Variants in CEP120 observed in about 807,000 individuals in gnomAD.
CEP120 encodes centrosomal protein of 120 kDa.
A neutral mutation model predicts 126.5 loss-of-function variants in CEP120; 113 were observed. The observed-to-expected ratio is 0.89, with a 90% CI of 0.77 to 1.04. The LOEUF (loss-of-function observed/expected upper bound fraction) is 1.04, where lower values mean the gene tolerates loss of function less well. Ranked by LOEUF, CEP120 falls within the 50% of genes least tolerant of loss-of-function variation. The pLI, the probability that CEP120 is intolerant of heterozygous loss-of-function variation, is 0.00. For missense variants in CEP120, 1,230 were observed against 1,155.7 expected (o/e 1.06, Z -0.93); for synonymous variants, 400 against 394.3 (o/e 1.01, Z -0.17).
chr5:123,382,693 G>C lies in CEP120; in HGVS notation c.2013+44C>G. On this transcript the variant is annotated intron_variant, in intron 13 of 19. Coordinates refer to ENST00000306467, the MANE Select transcript of CEP120 (RefSeq NM_001375405.1). ...TGCTACGGAGAAGGAAAAATATACA[G>C]AGCAGACAAAGCAGATTTTTTAAAG... The C allele has an allele frequency of 2.6e-6, 4 of 1,557,140 alleles. No individual in the cohort carries two copies. The East Asian group carries it at 6.9e-5, about 27-fold the overall frequency.
intron 15 of CEP120, 95 bp from the exon 16 acceptor site, chr5:123,377,630 G>T: frequency 2.2e-6 from 2 of 919,230 alleles, no homozygotes; most frequent in Non-Finnish European, 3.2e-6. Flanking sequence ...AAATGTTGAG[G>T]ATATTTACAA....
At chr5:123,371,010 T>C (rs890845349) in intron 17 of CEP120, among the ~76,000 whole-genome samples, 4 of 151,982 alleles carry the variant, frequency 2.6e-5, no homozygotes, top group African/African-American at 9.7e-5. Flanking sequence ...GCTTACCAGA[T>C]AAAATTTGAA....
intron 18 of CEP120, among the ~76,000 whole-genome samples, chr5:123,359,882 C>A (rs1769943058): frequency 6.6e-6 from 1 of 151,984 alleles, no homozygotes; most frequent in Non-Finnish European, 1.5e-5. Context: ...TTTAAACATT[C>A]TTCTGGCAAT....
chr5:123,393,314 G>C lies in CEP120; in HGVS notation c.796C>G (p.Gln266Glu), dbSNP rs751408671. The C allele has an allele frequency of 6.2e-7, 1 of 1,614,104 alleles. No homozygotes were observed. The highest frequency in any genetic ancestry group is 8.5e-7 in the Non-Finnish European group (1 of 1,179,994). The change falls in exon 6 of 20, where the codon CAG (glutamine) becomes GAG (glutamate). Residue 266 changes from glutamine to glutamate, a missense_variant. Physicochemically the swap from Gln to Glu is conservative, Grantham distance 29. Coordinates refer to ENST00000306467, the MANE Select transcript of CEP120 (RefSeq NM_001375405.1). ...GCAATACTCACCTGCAGTTTAGACT[G>C]AAGAGCCAGGTAAACACGAAGAATT... ...VEILRVYLAL[Q>E]SKLQIHLCCG...
intron 9 of CEP120, among the ~76,000 whole-genome samples, chr5:123,387,966 G>C (rs928030736): frequency 1.3e-5 from 2 of 151,460 alleles, no homozygotes; most frequent in Non-Finnish European, 2.9e-5. Context: ...AGGAATATGA[G>C]CTCCCATTAT....
At chr5:123,376,305 G>GC (rs1426308574) in intron 16 of CEP120, among the ~76,000 whole-genome samples, 1 of 152,030 alleles carries the variant, frequency 6.6e-6, no homozygotes, top group Non-Finnish European at 1.5e-5. Context: ...AGTACACCAG[G>GC]CCCAGATAAT....
chr5:123,382,609 G>T, intron 13 of CEP120, 128 bp downstream of exon 13: 1 of 828,136 alleles, frequency 1.2e-6, no homozygotes, highest in Non-Finnish European at 1.7e-6. Flanking sequence ...TTTAAGTAAA[G>T]CATTGTTGAC....
At chr5:123,373,535 G>A (rs550027424) in intron 16 of CEP120, among the ~76,000 whole-genome samples, 1 of 152,194 alleles carries the variant, frequency 6.6e-6, no homozygotes, top group South Asian at 2.1e-4. Flanking sequence ...TCCAGATGGT[G>A]ACAAGTTTGC....
At chr5:123,403,446 GTAGT>G in intron 4 of CEP120, 1 of 376,880 alleles carries the variant, frequency 2.7e-6, no homozygotes, top group Non-Finnish European at 5.1e-6. Flanking sequence ...ACAATTAAGC[GTAGT>G]TAAATATTGT....
In CEP120 at chr5:123,357,392, C is replaced by T. The variant is rs774110513; in HGVS notation, c.2580+7104G>A. 7.2e-5 allele frequency among the ~76,000 whole-genome samples: 11 copies of T among 152,066 alleles called. 1 individual carries two copies. Among genetic ancestry groups the T allele is most frequent in the Admixed American group, 2.0e-4 (3 of 15,258 alleles). On this transcript the variant is annotated intron_variant, in intron 18 of 19. Transcript: ENST00000306467. ...TTTCTCCCCATTCTTTCTCCAATTA[C>T]ACATAAGATAGTCTCAAAATATACC... is the stretch of plus-strand genomic sequence containing the variant.
Position 123,415,678 on chromosome 5 carries a change from AGCCTG to A in CEP120, c.321+327_321+331del, listed in dbSNP as rs747487192. 1.6e-3 allele frequency among the ~76,000 whole-genome samples: 237 copies of A among 152,262 alleles called. 1 individual carries two copies. Among genetic ancestry groups the A allele is most frequent in the Non-Finnish European group, 1.9e-3 (131 of 67,996 alleles). ...CACTTGAGGTGAGGAGTTTGAAACC[AGCCTG>A]GCCAACATAGCAAAACCCCATCACT... On this transcript the variant is annotated intron_variant, in intron 3 of 19. Transcript: ENST00000306467.
intron 4 of CEP120, chr5:123,401,612 A>G: frequency 2.8e-6 from 4 of 1,421,658 alleles, no homozygotes; most frequent in South Asian, 1.1e-5. Context: ...GGACAGCACC[A>G]CAGATGTGTC....
At chr5:123,365,723 T>G (rs903844646) in intron 17 of CEP120, among the ~76,000 whole-genome samples, 5 of 151,590 alleles carry the variant, frequency 3.3e-5, no homozygotes, top group Non-Finnish European at 7.4e-5. Flanking sequence ...GCCCCAAAGA[T>G]GTATACCTAC....
In CEP120 at chr5:123,351,222, A is replaced by G. The variant is rs551896392; in HGVS notation, c.2581-1133T>C. On this transcript the variant is annotated intron_variant, in intron 18 of 19. Coordinates refer to ENST00000306467, the MANE Select transcript of CEP120 (RefSeq NM_001375405.1). ...CACTAACCATTCACCTTTTCCCAAC[A>G]ATAACTACTACCCTAATTTTAAAAA... Among the ~76,000 whole-genome samples the G allele has an allele frequency of 2.5e-3, 374 of 152,248 alleles. 4 individuals carry two copies. The highest frequency in any genetic ancestry group is 8.6e-3 in the African/African-American group (357 of 41,552).
chr5:123,374,973 T>C (rs1299542105), intron 16 of CEP120, among the ~76,000 whole-genome samples: 1 of 152,140 alleles, frequency 6.6e-6, no homozygotes, highest in African/African-American at 2.4e-5. Flanking sequence ...TATAATCTAT[T>C]TGAGTACAGA....
chr5:123,412,032 T>TA (rs1774092185), intron 4 of CEP120, among the ~76,000 whole-genome samples: 2 of 152,160 alleles, frequency 1.3e-5, no homozygotes, highest in Middle Eastern at 3.4e-3. Context: ...GTTTATTAAT[T>TA]AAAAAAGAAA....
intron 18 of CEP120, among the ~76,000 whole-genome samples, chr5:123,352,574 C>CAT (rs1417631481): frequency 7.9e-5 from 12 of 151,992 alleles, no homozygotes; most frequent in Admixed American, 5.9e-4. Context: ...ATTAACACTA[C>CAT]ACTGTTTTAA....
At chr5:123,350,194 A>T in intron 18 of CEP120, 105 bp from the exon 19 acceptor site, 2 of 987,570 alleles carry the variant, frequency 2.0e-6, no homozygotes, top group Non-Finnish European at 1.5e-6. Context: ...CCCATGATAT[A>T]GCCACACACT....
chr5:123,350,031 A>G lies in CEP120; in HGVS notation c.2639T>C (p.Met880Thr), dbSNP rs1305599231. The change falls in exon 19 of 20, where the codon ATG becomes ACG. Residue 880 changes from methionine to threonine, a missense_variant. Met to Thr is a moderately conservative substitution (Grantham distance 81, BLOSUM62 -1). Coordinates refer to ENST00000306467, the MANE Select transcript of CEP120 (RefSeq NM_001375405.1). ...LKKQQEELEQMRLRYLAAEEK... is the reference protein window; with the variant it reads ...LKKQQEELEQTRLRYLAAEEK... ...CTCAGCGGCAAGGTAACGTAGTCTCATCTGTTCCAATTCTTCCTGCTGTTT... is the reference window on the plus strand; with the variant it reads ...CTCAGCGGCAAGGTAACGTAGTCTCGTCTGTTCCAATTCTTCCTGCTGTTT... The G allele has an allele frequency of 6.2e-7, 1 of 1,613,618 alleles. No homozygotes were observed. The highest frequency in any genetic ancestry group is 2.2e-5 in the East Asian group (1 of 44,796).
Sources: allele counts gnomAD v4.1 joint callset (sites outside exome capture counted in the v4.1 genomes callset), GRCh38; gene constraint gnomAD v4.1.1; transcripts MANE v1.5; gene names NCBI Gene and HGNC (gene_info 2026-07-23, HGNC 2026-07-21).